Variants in GAPVD1 observed in about 807,000 individuals in gnomAD.
GAPVD1 encodes GTPase-activating protein and VPS9 domain-containing protein 1.
In GAPVD1, 35 loss-of-function variants were observed where a neutral mutation model predicts 155.5. The ratio of observed to expected loss-of-function variants is 0.23; its 90% CI spans 0.17 to 0.30. GAPVD1 has a LOEUF of 0.30. GAPVD1 is among the 10% of genes least tolerant of loss of function. GAPVD1 has a pLI of 1.00. For synonymous variants in GAPVD1, 636 were observed against 619.7 expected (o/e 1.03, Z -0.39); for missense variants, 1,429 against 1,775.7 (o/e 0.80, Z 3.51).
At chr9:125,302,937 T>C in intron 5 of GAPVD1, 111 bp downstream of exon 5, 2 of 1,329,178 alleles carry the variant, frequency 1.5e-6, no homozygotes, top group African/African-American at 1.5e-5. Context: ...TTCTTACAAC[T>C]TTTTCTCAAC....
intron 2 of GAPVD1, among the ~76,000 whole-genome samples, chr9:125,289,670 A>G (rs939822380): frequency 2.0e-5 from 3 of 152,002 alleles, no homozygotes; most frequent in African/African-American, 7.2e-5. Context: ...TAATTTTGAG[A>G]TGCGTATTAG....
intron 2 of GAPVD1, among the ~76,000 whole-genome samples, chr9:125,293,822 TATA>T (rs1427133781): frequency 8.5e-6 from 1 of 117,038 alleles, no homozygotes; most frequent in Non-Finnish European, 1.7e-5. Flanking sequence ...ATATATGAAA[TATA>T]AAAAAATATA....
intron 9 of GAPVD1, among the ~76,000 whole-genome samples, chr9:125,317,116 G>A (rs770955352): frequency 1.3e-5 from 2 of 151,684 alleles, no homozygotes; most frequent in African/African-American, 2.4e-5. Flanking sequence ...TCAGGAGTTC[G>A]AGACCAGCCT....
chr9:125,352,978 G>A (rs1200237781), intron 23 of GAPVD1, among the ~76,000 whole-genome samples: 5 of 151,980 alleles, frequency 3.3e-5, no homozygotes, highest in South Asian at 2.1e-4. Flanking sequence ...TATGGTGGTG[G>A]GTTCCTGTAA....
intron 2 of GAPVD1, among the ~76,000 whole-genome samples, chr9:125,279,423 T>G (rs969034586): frequency 2.6e-5 from 4 of 151,228 alleles, no homozygotes; most frequent in Non-Finnish European, 5.9e-5. Context: ...ACAAAAAAAT[T>G]ATCTGGGTGT....
rs1564485486 is a variant in GAPVD1 at position 125,362,988 on chromosome 9, A to C, written c.*242A>C. The C allele has an allele frequency of 4.0e-6, 1 of 252,390 alleles. No individual in the cohort carries two copies. The highest frequency in any genetic ancestry group is 2.2e-5 in the African/African-American group (1 of 44,870). 15.6% of individuals were successfully genotyped at this position (252,390 alleles called of 1,614,324 possible). A position where few individuals can be genotyped will look rare whatever the true frequency, so the allele number is the denominator to read the frequency against. On this transcript the variant is annotated 3_prime_UTR_variant, in exon 28 of 28. Coordinates refer to ENST00000297933, the MANE Select transcript of GAPVD1 (RefSeq NM_001282680.3). ...TTGTCCCCAAGTAGAGACTAGTACTACAAAAAGGGACCACATTTTTCAAGT... is the reference window on the plus strand; with the variant it reads ...TTGTCCCCAAGTAGAGACTAGTACTCCAAAAAGGGACCACATTTTTCAAGT...
At chr9:125,283,503 C>T (rs540007251) in intron 2 of GAPVD1, among the ~76,000 whole-genome samples, 64 of 152,150 alleles carry the variant, frequency 4.2e-4, no homozygotes, top group African/African-American at 1.4e-3. Context: ...ACACCACAGG[C>T]GTACATCCCT....
intron 9 of GAPVD1, among the ~76,000 whole-genome samples, chr9:125,320,173 C>A (rs1844102120): frequency 6.6e-6 from 1 of 151,920 alleles, no homozygotes; most frequent in Non-Finnish European, 1.5e-5. Context: ...TACTATTCTT[C>A]CTTCATATTT....
chr9:125,315,076 C>T (rs1469488819), intron 9 of GAPVD1, among the ~76,000 whole-genome samples: 2 of 152,216 alleles, frequency 1.3e-5, no homozygotes, highest in East Asian at 1.9e-4. Context: ...TGTGAGCCAT[C>T]GTGCCCTGCC....
intron 23 of GAPVD1, among the ~76,000 whole-genome samples, chr9:125,353,693 A>T (rs1357735107): frequency 6.6e-6 from 1 of 152,156 alleles, no homozygotes; most frequent in Non-Finnish European, 1.5e-5. Context: ...GGCAGCAGAC[A>T]AGAGAAGAGA....
intron 17 of GAPVD1, 99 bp downstream of exon 17, chr9:125,337,690 A>G (rs962851358): frequency 1.8e-6 from 2 of 1,138,612 alleles, no homozygotes; most frequent in African/African-American, 3.1e-5. Context: ...GATTACAGAT[A>G]GAGAGTAGTC....
At chr9:125,347,654 A>C (rs568082184) in intron 20 of GAPVD1, among the ~76,000 whole-genome samples, 5 of 151,914 alleles carry the variant, frequency 3.3e-5, no homozygotes, top group Non-Finnish European at 7.4e-5. Context: ...CAGGAGGCGG[A>C]GGTTGCAGTG....
At chr9:125,328,841 C>T (rs866806550) in intron 12 of GAPVD1, among the ~76,000 whole-genome samples, 2 of 151,878 alleles carry the variant, frequency 1.3e-5, no homozygotes, top group Non-Finnish European at 2.9e-5. Context: ...TGACCCCCCC[C>T]CCACCTCCCT....
chr9:125,333,985 C>G (rs1030762984), intron 15 of GAPVD1, among the ~76,000 whole-genome samples: 7 of 152,090 alleles, frequency 4.6e-5, no homozygotes, highest in African/African-American at 1.7e-4. Flanking sequence ...AAAAATGTCT[C>G]TAGACATTGC....
rs542410992 is a variant in GAPVD1, at chr9:125,316,530, A to G, written c.1602+3918A>G. Among the ~76,000 whole-genome samples, 54 of 152,252 alleles carry G rather than the reference A, an allele frequency of 3.5e-4. 1 individual carries two copies. The South Asian group carries it at 3.7e-3, about 11-fold the overall frequency. ...GAACTAATCCTTTTTTATTGCTGCAAACCACTATGGCACATGTATCCCTGC... is the reference window on the plus strand; with the variant it reads ...GAACTAATCCTTTTTTATTGCTGCAGACCACTATGGCACATGTATCCCTGC... On this transcript the variant is annotated intron_variant, in intron 9 of 27. Transcript: ENST00000297933.
intron 3 of GAPVD1, among the ~76,000 whole-genome samples, chr9:125,297,841 G>C (rs1026801041): frequency 1.3e-5 from 2 of 152,066 alleles, no homozygotes; most frequent in Admixed American, 6.6e-5. Flanking sequence ...CGCCTACCAG[G>C]TTCAAACAAT....
intron 2 of GAPVD1, among the ~76,000 whole-genome samples, chr9:125,284,251 C>G (rs1457373377): frequency 7.1e-6 from 1 of 141,690 alleles, no homozygotes; most frequent in Non-Finnish European, 1.5e-5. Context: ...GTGGTGCGAT[C>G]TCAGCTTGCT....
intron 15 of GAPVD1, among the ~76,000 whole-genome samples, chr9:125,333,366 C>T (rs1327518967): frequency 1.3e-5 from 2 of 151,956 alleles, no homozygotes; most frequent in African/African-American, 2.4e-5. Context: ...AGGTGTGAGC[C>T]ACCGCACCCG....
intron 4 of GAPVD1, 101 bp from the exon 5 acceptor site, chr9:125,301,882 G>A (rs1455080877): frequency 1.0e-6 from 1 of 960,206 alleles, no homozygotes; most frequent in Non-Finnish European, 1.5e-6. Context: ...TCATTGTTGG[G>A]ACCATAATCA....
Sources: allele counts gnomAD v4.1 joint callset (sites outside exome capture counted in the v4.1 genomes callset), GRCh38; gene constraint gnomAD v4.1.1; transcripts MANE v1.5; gene names NCBI Gene and HGNC (gene_info 2026-07-23, HGNC 2026-07-21).